AGBL4: variants seen among roughly 807,000 people sequenced by gnomAD.
The protein encoded by AGBL4 is AGBL carboxypeptidase 4.
AGBL4 carries 58 observed loss-of-function variants against 66.4 expected under a neutral mutation model. The ratio of observed to expected loss-of-function variants is 0.87; its 90% CI spans 0.71 to 1.09. The LOEUF (loss-of-function observed/expected upper bound fraction) is 1.09. Among genes scored for constraint, AGBL4 ranks in the 50% least tolerant of loss-of-function variants. The pLI is 0.00. For synonymous variants in AGBL4, 234 were observed against 222.9 expected (o/e 1.05, Z -0.44); for missense variants, 579 against 631.0 (o/e 0.92, Z 0.88).
At chr1:49,426,987 G>C (rs1281617608) in intron 3 of AGBL4, among the ~76,000 whole-genome samples, 1 of 152,118 alleles carries the variant, frequency 6.6e-6, no homozygotes, top group Non-Finnish European at 1.5e-5. Flanking sequence ...ATTGTGCAAG[G>C]CCAGAAGGAC....
intron 1 of AGBL4, among the ~76,000 whole-genome samples, chr1:49,956,102 C>T (rs975704120): frequency 2.0e-5 from 3 of 151,826 alleles, no homozygotes; most frequent in African/African-American, 7.2e-5. Flanking sequence ...CCTCAAAGCA[C>T]TGTCACTCAT....
At chr1:49,151,659 G>A (rs559410277) in intron 4 of AGBL4, among the ~76,000 whole-genome samples, 92 of 151,484 alleles carry the variant, frequency 6.1e-4, no homozygotes, top group African/African-American at 2.0e-3. Flanking sequence ...ATATTCTGGC[G>A]AAAAAAGACA....
chr1:50,022,085 T>A (rs1662486537), intron 1 of AGBL4, among the ~76,000 whole-genome samples: 1 of 152,202 alleles, frequency 6.6e-6, no homozygotes, highest in Non-Finnish European at 1.5e-5. Context: ...CCCTATCATA[T>A]GTCAGCTAAA....
At chr1:48,961,080 G>GGTGGGTGT (rs1657930288) in intron 5 of AGBL4, among the ~76,000 whole-genome samples, 1 of 148,626 alleles carries the variant, frequency 6.7e-6, no homozygotes, top group Non-Finnish European at 1.5e-5. Flanking sequence ...CCCAGTCTGG[G>GGTGGGTGT]GTGTGTGTGT....
chr1:49,359,156 T>A (rs539444433), intron 3 of AGBL4, among the ~76,000 whole-genome samples: 1 of 152,290 alleles, frequency 6.6e-6, no homozygotes, highest in East Asian at 1.9e-4. Context: ...CATGTATGAG[T>A]TAAATTATAT....
intron 2 of AGBL4, among the ~76,000 whole-genome samples, chr1:49,744,504 A>G (rs766690642): frequency 6.6e-6 from 1 of 152,026 alleles, no homozygotes; most frequent in Admixed American, 6.6e-5. Flanking sequence ...GCAACAATAG[A>G]CCAATACACT....
intron 3 of AGBL4, among the ~76,000 whole-genome samples, chr1:49,588,656 T>A (rs1259406728): frequency 1.3e-5 from 2 of 152,206 alleles, no homozygotes; most frequent in African/African-American, 4.8e-5. Flanking sequence ...CTCTTATATG[T>A]GCCTATATCT....
chr1:48,758,971 A>G, intron 6 of AGBL4: 2 of 1,608,208 alleles, frequency 1.2e-6, no homozygotes, highest in South Asian at 2.2e-5. Context: ...CATTTCAGAC[A>G]CAAGTGCCCC....
At chr1:48,907,784 T>G (rs1396425508) in intron 5 of AGBL4, among the ~76,000 whole-genome samples, 1 of 152,132 alleles carries the variant, frequency 6.6e-6, no homozygotes, top group Non-Finnish European at 1.5e-5. Context: ...TGCACTGTGA[T>G]AAATGCATGG....
chr1:49,374,543 A>C (rs1644432165), intron 3 of AGBL4, among the ~76,000 whole-genome samples: 1 of 151,950 alleles, frequency 6.6e-6, no homozygotes, highest in East Asian at 1.9e-4. Flanking sequence ...TTGAGTGACC[A>C]CTCTGTCAAT....
At chr1:49,302,632 TA>T in intron 3 of AGBL4, among the ~76,000 whole-genome samples, 1 of 136,958 alleles carries the variant, frequency 7.3e-6, no homozygotes, top group African/African-American at 2.8e-5. Flanking sequence ...TATTTTATTT[TA>T]TTTTATTTTA....
Position 48,540,960 on chromosome 1 carries a change from T to C in AGBL4, c.1268-1222A>G, listed in dbSNP as rs2148263487. Among the ~76,000 whole-genome samples, 2 of 152,308 alleles carry C rather than the reference T, an allele frequency of 1.3e-5. 1 individual carries two copies. The highest frequency in any genetic ancestry group is 4.1e-4 in the South Asian group (2 of 4,820). On this transcript the variant is annotated intron_variant, in intron 11 of 13. Coordinates refer to ENST00000371839, the MANE Select transcript of AGBL4 (RefSeq NM_032785.4). ...TATGTCACTCAGCTGAATAAAACACTTCAGTGGTTCTCAGTTACCTTCAAA... is the reference window on the plus strand; with the variant it reads ...TATGTCACTCAGCTGAATAAAACACCTCAGTGGTTCTCAGTTACCTTCAAA...
At chr1:48,638,862 A>G (rs1557845611) in intron 8 of AGBL4, among the ~76,000 whole-genome samples, 1 of 152,178 alleles carries the variant, frequency 6.6e-6, no homozygotes, top group Non-Finnish European at 1.5e-5. Flanking sequence ...CTCATATTAT[A>G]TAGTTCTCAT....
Position 50,023,922 on chromosome 1 carries a change from G to A in AGBL4, c.-126C>T. On this transcript the variant is annotated 5_prime_UTR_variant, in exon 1 of 14. Coordinates refer to ENST00000371839, the MANE Select transcript of AGBL4 (RefSeq NM_032785.4). ...CGGCACGACGGTTGCCTGGGCAACG[G>A]GCGGCAGGCGCGCGGGTGGCCGGCG... 1 of 1,120,786 alleles carries A rather than the reference G, an allele frequency of 8.9e-7. No individual in the cohort carries two copies. Among genetic ancestry groups the A allele is most frequent in the Non-Finnish European group, 1.2e-6 (1 of 826,724 alleles). 69.4% of individuals were successfully genotyped at this position (1,120,786 alleles called of 1,614,324 possible). A position where few individuals can be genotyped will look rare whatever the true frequency, so the allele number is the denominator to read the frequency against.
In AGBL4 at chr1:49,933,570, A is replaced by T. The variant is rs148951245; in HGVS notation, c.35-82052T>A. Among the ~76,000 whole-genome samples, 14 of 152,260 alleles carry T rather than the reference A, an allele frequency of 9.2e-5. No individual in the cohort carries two copies. The East Asian group carries it at 2.5e-3, about 27-fold the overall frequency. On this transcript the variant is annotated intron_variant, in intron 1 of 13. Coordinates refer to ENST00000371839, the MANE Select transcript of AGBL4 (RefSeq NM_032785.4). ...TCAGTGTAAAAATTTAAAAAACAATATTAAGAACTATAAATTACAAAAACT... is the reference window on the plus strand; with the variant it reads ...TCAGTGTAAAAATTTAAAAAACAATTTTAAGAACTATAAATTACAAAAACT...
intron 9 of AGBL4, among the ~76,000 whole-genome samples, chr1:48,616,420 G>A (rs911094093): frequency 2.6e-5 from 4 of 152,190 alleles, no homozygotes. Context: ...TATACAACCA[G>A]TAAGCATAAT....
chr1:49,670,066 A>G (rs1209498823), intron 3 of AGBL4, among the ~76,000 whole-genome samples: 1 of 152,150 alleles, frequency 6.6e-6, no homozygotes, highest in East Asian at 1.9e-4. Context: ...CTATCAACAC[A>G]AGTATAAATT....
intron 6 of AGBL4, among the ~76,000 whole-genome samples, chr1:48,828,204 A>G (rs982863923): frequency 6.6e-6 from 1 of 151,924 alleles, no homozygotes; most frequent in Non-Finnish European, 1.5e-5. Flanking sequence ...AAAAAAAGAA[A>G]AAAAGAAAAT....
At chr1:49,872,855 T>C (rs187749073) in intron 1 of AGBL4, among the ~76,000 whole-genome samples, 1 of 152,076 alleles carries the variant, frequency 6.6e-6, no homozygotes, top group Non-Finnish European at 1.5e-5. Context: ...AACTATAGTA[T>C]GCCTGTTATT....
Sources: allele counts gnomAD v4.1 joint callset (sites outside exome capture counted in the v4.1 genomes callset), GRCh38; gene constraint gnomAD v4.1.1; transcripts MANE v1.5; gene names NCBI Gene and HGNC (gene_info 2026-07-23, HGNC 2026-07-21).